Variants in NRG3 observed in about 807,000 individuals in gnomAD.
The protein encoded by NRG3 is neuregulin 3.
Under a neutral mutation model 66.9 loss-of-function variants are expected in NRG3, and 31 were observed. The observed-to-expected ratio is 0.46, with a 90% CI of 0.35 to 0.63. The LOEUF (loss-of-function observed/expected upper bound fraction) is 0.63, where lower values mean the gene tolerates loss of function less well. Ranked by LOEUF, NRG3 falls within the 20% of genes least tolerant of loss-of-function variation. NRG3 has a pLI of 0.00. For synonymous variants in NRG3, 393 were observed against 359.4 expected, an observed-to-expected ratio of 1.09 and a Z score of -1.06; for missense variants, 910 against 878.9, an observed-to-expected ratio of 1.04 and a Z score of -0.45.
intron 5 of NRG3, among the ~76,000 whole-genome samples, chr10:82,953,757 A>T (rs879583936): frequency 3.9e-5 from 6 of 151,980 alleles, no homozygotes; most frequent in Admixed American, 3.9e-4. Flanking sequence ...AGATCACTTG[A>T]GACCAGCCTG....
intron 1 of NRG3, among the ~76,000 whole-genome samples, chr10:82,018,246 G>T (rs962291062): frequency 4.6e-5 from 7 of 152,142 alleles, no homozygotes; most frequent in African/African-American, 1.7e-4. Context: ...GATGGTTGCA[G>T]ATGTGTGGTA....
At chr10:82,032,989 G>A (rs10786835) in intron 1 of NRG3, among the ~76,000 whole-genome samples, 84,363 of 151,878 alleles carry the variant, frequency 0.56, 23,490 homozygotes, top group South Asian at 0.65. Flanking sequence ...GATATAAAAT[G>A]AACACATATT....
At chr10:82,495,255 C>G (rs1422317350) in intron 2 of NRG3, among the ~76,000 whole-genome samples, 1 of 152,130 alleles carries the variant, frequency 6.6e-6, no homozygotes, top group Non-Finnish European at 1.5e-5. Flanking sequence ...CTTTCTTAAT[C>G]ATAGCTTTGA....
chr10:82,272,835 T>C (rs919835424), intron 1 of NRG3, among the ~76,000 whole-genome samples: 1 of 152,082 alleles, frequency 6.6e-6, no homozygotes, highest in African/African-American at 2.4e-5. Flanking sequence ...GAGATTTTGA[T>C]AAATTGCCTC....
intron 2 of NRG3, among the ~76,000 whole-genome samples, chr10:82,440,912 T>C (rs2090401886): frequency 6.6e-6 from 1 of 152,254 alleles, no homozygotes; most frequent in African/African-American, 2.4e-5. Flanking sequence ...CTGTGGTCCT[T>C]GCTGACTATA....
At chr10:82,916,995 T>G (rs1213964174) in intron 4 of NRG3, among the ~76,000 whole-genome samples, 1 of 152,192 alleles carries the variant, frequency 6.6e-6, no homozygotes, top group Middle Eastern at 3.2e-3. Flanking sequence ...AGTCAGAATT[T>G]CTCCTGTATA....
At chr10:82,501,706 G>T (rs1844207526) in intron 2 of NRG3, among the ~76,000 whole-genome samples, 1 of 152,158 alleles carries the variant, frequency 6.6e-6, no homozygotes, top group African/African-American at 2.4e-5. Flanking sequence ...TGTGCTTAAA[G>T]GTTGACCATG....
At chr10:82,806,472 G>C (rs1308060043) in intron 3 of NRG3, among the ~76,000 whole-genome samples, 1 of 152,200 alleles carries the variant, frequency 6.6e-6, no homozygotes, top group Non-Finnish European at 1.5e-5. Context: ...AGTAGAGCAT[G>C]TATGAGGTAT....
rs536525651 is a variant in NRG3 at position 82,482,992 on chromosome 10, C to T, written c.953+124124C>T. ...AACCAGCACAGATCCTACAATCTTG[C>T]AAGGATGCAAGAATTTTCTTAAATG... On this transcript the variant is annotated intron_variant, in intron 2 of 8. Coordinates refer to ENST00000372141, the MANE Select transcript of NRG3 (RefSeq NM_001010848.4). Among the ~76,000 whole-genome samples the T allele has an allele frequency of 7.2e-5, 11 of 152,242 alleles. No individual in the cohort carries two copies. The South Asian group carries it at 2.1e-3, about 29-fold the overall frequency.
intron 4 of NRG3, among the ~76,000 whole-genome samples, 177 bp downstream of exon 4, chr10:82,865,614 A>C (rs1298056171): frequency 6.6e-6 from 1 of 152,200 alleles, no homozygotes; most frequent in Non-Finnish European, 1.5e-5. Context: ...GAAATAATTA[A>C]CTACTTATTG....
At chr10:82,791,383 C>A (rs113857841) in intron 3 of NRG3, among the ~76,000 whole-genome samples, 3 of 152,018 alleles carry the variant, frequency 2.0e-5, no homozygotes, top group African/African-American at 7.2e-5. Flanking sequence ...TGTGCAGCCA[C>A]TGACATCTCT....
At chr10:82,085,983 T>G (rs2065700016) in intron 1 of NRG3, among the ~76,000 whole-genome samples, 1 of 152,092 alleles carries the variant, frequency 6.6e-6, no homozygotes, top group Admixed American at 6.5e-5. Context: ...ACTGTTGCAC[T>G]GGGGATTAAA....
intron 1 of NRG3, among the ~76,000 whole-genome samples, chr10:82,061,872 A>AACACACAC (rs71007292): frequency 2.3e-5 from 3 of 127,716 alleles, no homozygotes; most frequent in African/African-American, 8.4e-5. Flanking sequence ...CACACACACA[A>AACACACAC]ACACACACAC....
chr10:82,188,201 TACACTGTAGAA>T (rs1337176440), intron 1 of NRG3, among the ~76,000 whole-genome samples: 1 of 152,072 alleles, frequency 6.6e-6, no homozygotes, highest in Non-Finnish European at 1.5e-5. Flanking sequence ...ACCAAGAACA[TACACTGTAGAA>T]AAGACAGTCA....
intron 1 of NRG3, among the ~76,000 whole-genome samples, chr10:82,258,669 A>C (rs961244986): frequency 3.6e-4 from 55 of 152,216 alleles, no homozygotes; most frequent in African/African-American, 1.2e-3. Flanking sequence ...GCCAGCATTC[A>C]AACAGGCAGT....
chr10:81,896,133 C>G (rs1843505427), intron 1 of NRG3, among the ~76,000 whole-genome samples: 1 of 152,122 alleles, frequency 6.6e-6, no homozygotes, highest in Non-Finnish European at 1.5e-5. Flanking sequence ...ATGTTGTTTA[C>G]TAGAAAGATA....
chr10:82,314,056 A>T (rs545892995), intron 1 of NRG3, among the ~76,000 whole-genome samples: 1 of 152,352 alleles, frequency 6.6e-6, no homozygotes, highest in South Asian at 2.1e-4. Flanking sequence ...CATTTAGTTC[A>T]TGGGTAAAGT....
chr10:82,694,220 C>T (rs1351651905), intron 2 of NRG3, among the ~76,000 whole-genome samples: 1 of 152,150 alleles, frequency 6.6e-6, no homozygotes, highest in Non-Finnish European at 1.5e-5. Context: ...TAGCTAGACA[C>T]AGAGCGCTGA....
intron 6 of NRG3, among the ~76,000 whole-genome samples, chr10:82,972,598 G>C (rs1219851440): frequency 6.6e-6 from 1 of 152,226 alleles, no homozygotes; most frequent in Non-Finnish European, 1.5e-5. Flanking sequence ...GATTAGAAAT[G>C]GTACTTAGGG....
Sources: gnomAD v4.1 joint callset for allele counts (sites outside exome capture counted in the v4.1 genomes callset) on GRCh38, gnomAD v4.1.1 for gene constraint, MANE v1.5 for transcripts, NCBI Gene and HGNC (gene_info 2026-07-23, HGNC 2026-07-21) for gene names.